Variants in PTPN14 observed in about 807,000 individuals in gnomAD.
The protein encoded by PTPN14 is tyrosine-protein phosphatase non-receptor type 14.
PTPN14 carries 53 observed loss-of-function variants against 126.8 expected under a neutral mutation model. That is an observed-to-expected ratio of 0.42 (90% CI 0.34 to 0.53). The LOEUF (loss-of-function observed/expected upper bound fraction) is 0.53, where lower values mean the gene tolerates loss of function less well. Ranked by LOEUF, PTPN14 falls within the 20% of genes least tolerant of loss-of-function variation. The probability of loss-of-function intolerance (pLI) is 0.08; values close to 1 mark genes in which losing one functional copy is unlikely to be tolerated. For missense variants in PTPN14, 1,257 were observed against 1,552.9 expected, an observed-to-expected ratio of 0.81 and a Z score of 3.20; for synonymous variants, 630 against 599.3, an observed-to-expected ratio of 1.05 and a Z score of -0.75.
At position 214,414,675 on chromosome 1, in the gene PTPN14, T is replaced by C; in HGVS notation, c.396A>G (p.Arg132=). ...VKKDVLEGRL[R]CTLDQVIRLA... is the part of the protein sequence containing the mutation. ...GCCGAATCACCTGGTCCAATGTACA[T>C]CGTAATCGCCCTTCAAGCACATCTT... The change falls in exon 4 of 19, where the codon CGA becomes CGG. Residue 132 remains arginine (R), a synonymous_variant. Transcript: ENST00000366956. The C allele has an allele frequency of 1.2e-6, 2 of 1,614,106 alleles. No individual in the cohort carries two copies. Among genetic ancestry groups the C allele is most frequent in the Non-Finnish European group, 1.7e-6 (2 of 1,179,962 alleles).
rs1269581553 is a variant in PTPN14, at chr1:214,464,610, C to A, written c.174+20G>T. The A allele has an allele frequency of 1.2e-6, 2 of 1,611,758 alleles. No individual in the cohort carries two copies. Among genetic ancestry groups the A allele is most frequent in the Admixed American group, 3.3e-5 (2 of 59,968 alleles). Reference sequence around the variant, plus strand: ...ACACGCATGCACGCGCACATGCGCACACAGACACACCCCTCTTACCTCTCG... The same window carrying A: ...ACACGCATGCACGCGCACATGCGCAAACAGACACACCCCTCTTACCTCTCG... On this transcript the variant is annotated intron_variant, in intron 2 of 18. Coordinates refer to ENST00000366956, the MANE Select transcript of PTPN14 (RefSeq NM_005401.5).
chr1:214,451,192 A>T (rs1244639344), intron 3 of PTPN14, among the ~76,000 whole-genome samples: 2 of 152,086 alleles, frequency 1.3e-5, no homozygotes, highest in Non-Finnish European at 2.9e-5. Flanking sequence ...ACAGGGTCTC[A>T]GTCTGTTGCC....
At chr1:214,545,541 G>A (rs759585347) in intron 1 of PTPN14, among the ~76,000 whole-genome samples, 1 of 152,154 alleles carries the variant, frequency 6.6e-6, no homozygotes, top group Non-Finnish European at 1.5e-5. Context: ...GAGTTTTGGA[G>A]GGGACATTCA....
rs529329973 is a variant in PTPN14, at chr1:214,512,149, C to T, written c.-155+39034G>A. Among the ~76,000 whole-genome samples, 4 of 152,218 alleles carry T rather than the reference C, an allele frequency of 2.6e-5. No homozygotes were observed. In the South Asian group the frequency reaches 8.3e-4, roughly 32 times the overall value. On this transcript the variant is annotated intron_variant, in intron 1 of 18. Transcript: ENST00000366956. ...CCACACCCCCAACCATCTCCTTTATCAAAAGCCAGTGTTCCATCTTGCCTT... is the reference window on the plus strand; with the variant it reads ...CCACACCCCCAACCATCTCCTTTATTAAAAGCCAGTGTTCCATCTTGCCTT...
chr1:214,503,205 T>C (rs1654751301), intron 1 of PTPN14, among the ~76,000 whole-genome samples: 1 of 152,248 alleles, frequency 6.6e-6, no homozygotes, highest in South Asian at 2.1e-4. Flanking sequence ...CAGTATTTAT[T>C]ATGAAAGGCA....
At chr1:214,431,817 T>A (rs1340751798) in intron 3 of PTPN14, among the ~76,000 whole-genome samples, 1 of 152,176 alleles carries the variant, frequency 6.6e-6, no homozygotes, top group African/African-American at 2.4e-5. Flanking sequence ...TGGGTTAATA[T>A]GGATGAAGAG....
At chr1:214,488,926 C>T (rs1004640253) in intron 1 of PTPN14, among the ~76,000 whole-genome samples, 3 of 152,186 alleles carry the variant, frequency 2.0e-5, no homozygotes, top group South Asian at 2.1e-4. Flanking sequence ...AACTTGTCAC[C>T]GCTTCTCGAA....
chr1:214,458,024 TCTATATCTATAC>T (rs1435676491), intron 2 of PTPN14, among the ~76,000 whole-genome samples: 835 of 65,322 alleles, frequency 0.013, 9 homozygotes, highest in African/African-American at 0.042. Flanking sequence ...TATATCTATA[TCTATATCTATAC>T]CTAGAGAGAG....
intron 17 of PTPN14, 25 bp downstream of exon 17, chr1:214,369,432 G>A: frequency 6.3e-7 from 1 of 1,589,310 alleles, no homozygotes; most frequent in Non-Finnish European, 8.6e-7. Flanking sequence ...CAGTCAGGTA[G>A]CAGACTGGGA....
chr1:214,465,951 C>CTATTTTTTTTTTTTT (rs1660624945), intron 1 of PTPN14, among the ~76,000 whole-genome samples: 1 of 59,024 alleles, frequency 1.7e-5, no homozygotes, highest in Non-Finnish European at 2.9e-5. Context: ...CAGTTACTTC[C>CTATTTTTTTTTTTTT]TTTTTTTTTT....
chr1:214,463,468 A>G (rs1660558029), intron 2 of PTPN14, among the ~76,000 whole-genome samples: 1 of 152,340 alleles, frequency 6.6e-6, no homozygotes, highest in Middle Eastern at 3.4e-3. Flanking sequence ...ATACCTGATC[A>G]CTGAAACCAA....
At chr1:214,526,903 C>A (rs1655414331) in intron 1 of PTPN14, among the ~76,000 whole-genome samples, 1 of 152,054 alleles carries the variant, frequency 6.6e-6, no homozygotes, top group African/African-American at 2.4e-5. Flanking sequence ...ACCAGCCTGA[C>A]CAATATTGAG....
intron 5 of PTPN14, among the ~76,000 whole-genome samples, chr1:214,408,181 C>T (rs58541919): frequency 0.017 from 2,563 of 152,300 alleles, 79 homozygotes; most frequent in African/African-American, 0.058. Context: ...ATTTAACCAA[C>T]CACACTGTAG....
chr1:214,533,293 C>G, intron 1 of PTPN14: 1 of 589,236 alleles, frequency 1.7e-6, no homozygotes, highest in South Asian at 1.5e-5. Flanking sequence ...CAAGGCCAAG[C>G]TGGAGGCTAG....
Position 214,379,027 on chromosome 1 carries a change from T to C in PTPN14, c.2545-925A>G, listed in dbSNP as rs887679286. On this transcript the variant is annotated intron_variant, in intron 13 of 18. Transcript: ENST00000366956. The stretch of plus-strand genomic sequence containing the variant: ...CTCCTGCTGTGCTTCCTCAGGTCCT[T>C]GAAACTAACCGAGTATGAAAAAGCT... Among the ~76,000 whole-genome samples, 3 of 152,190 alleles carry C rather than the reference T, an allele frequency of 2.0e-5. No individual in the cohort carries two copies. In the East Asian group the frequency reaches 5.8e-4, roughly 29 times the overall value.
At chr1:214,434,322 G>C (rs1301552101) in intron 3 of PTPN14, among the ~76,000 whole-genome samples, 1 of 152,172 alleles carries the variant, frequency 6.6e-6, no homozygotes, top group Non-Finnish European at 1.5e-5. Flanking sequence ...ATTTTGAGGA[G>C]TGGGCTCTCC....
intron 1 of PTPN14, among the ~76,000 whole-genome samples, chr1:214,472,315 GC>G (rs1660777145): frequency 6.6e-6 from 1 of 151,742 alleles, no homozygotes; most frequent in Non-Finnish European, 1.5e-5. Context: ...TCGCTCTCTT[GC>G]CCCCTCCTCT....
intron 12 of PTPN14, among the ~76,000 whole-genome samples, chr1:214,385,512 CAATCAGGCCCAACCTGATTGATTTCT>C (rs1242084513): frequency 7.0e-4 from 106 of 152,094 alleles, no homozygotes; most frequent in African/African-American, 2.4e-3. Context: ...TTGATTTCTA[CAATCAGGCCCAACCTGATTGATTTCT>C]ACAATCAGGC....
At chr1:214,511,290 T>TA (rs1257397284) in intron 1 of PTPN14, among the ~76,000 whole-genome samples, 1 of 152,070 alleles carries the variant, frequency 6.6e-6, no homozygotes, top group Non-Finnish European at 1.5e-5. Context: ...AAGGTACTAA[T>TA]AAAAAATACG....
Sources: gnomAD v4.1 joint callset for allele counts (sites outside exome capture counted in the v4.1 genomes callset) on GRCh38, gnomAD v4.1.1 for gene constraint, MANE v1.5 for transcripts, NCBI Gene and HGNC (gene_info 2026-07-23, HGNC 2026-07-21) for gene names.